The following ITGA9 variants were observed in gnomAD, a reference collection of about 807,000 sequenced individuals.
ITGA9 encodes integrin alpha-9.
In ITGA9, 56 loss-of-function variants were observed where a neutral mutation model predicts 127.8. The observed-to-expected ratio is 0.44, with a 90% CI of 0.35 to 0.55. The LOEUF (loss-of-function observed/expected upper bound fraction) is 0.55, where lower values mean the gene tolerates loss of function less well. ITGA9 is among the 20% of genes least tolerant of loss of function. The pLI is 0.00. For synonymous variants in ITGA9, 508 were observed against 514.5 expected (o/e 0.99, Z 0.17); for missense variants, 1,196 against 1,347.1 (o/e 0.89, Z 1.76).
At chr3:37,553,386 C>T (rs946086568) in intron 15 of ITGA9, among the ~76,000 whole-genome samples, 3 of 152,234 alleles carry the variant, frequency 2.0e-5, no homozygotes, top group African/African-American at 7.2e-5. Flanking sequence ...ATTTGGCTGT[C>T]ACATCTCTTT....
intron 18 of ITGA9, among the ~76,000 whole-genome samples, chr3:37,697,013 G>A (rs1374005539): frequency 6.6e-6 from 1 of 152,114 alleles, no homozygotes. Context: ...GGCCTCAGAG[G>A]AAAATCTCAA....
At chr3:37,609,937 C>T (rs940200972) in intron 15 of ITGA9, among the ~76,000 whole-genome samples, 8 of 152,172 alleles carry the variant, frequency 5.3e-5, no homozygotes, top group African/African-American at 1.2e-4. Context: ...CATGTGGAGT[C>T]GGAGATACTT....
At chr3:37,750,936 G>A (rs542539423) in intron 23 of ITGA9, among the ~76,000 whole-genome samples, 58 of 152,372 alleles carry the variant, frequency 3.8e-4, no homozygotes, top group Non-Finnish European at 2.2e-4. Flanking sequence ...TGAGAGGATT[G>A]TGAAAGCATT....
intron 19 of ITGA9, among the ~76,000 whole-genome samples, chr3:37,734,533 A>G (rs1357117428): frequency 2.0e-5 from 3 of 152,224 alleles, no homozygotes; most frequent in Admixed American, 2.0e-4. Context: ...TCTGTCGCCC[A>G]GGCTGGAGTG....
intron 17 of ITGA9, among the ~76,000 whole-genome samples, chr3:37,676,010 G>A (rs1014407177): frequency 3.3e-5 from 5 of 151,990 alleles, no homozygotes; most frequent in African/African-American, 9.7e-5. Flanking sequence ...CCAAAGTGCT[G>A]GGATTACAGG....
In ITGA9 at chr3:37,673,349, C is replaced by G. The variant is rs1053775527; in HGVS notation, c.1917-10516C>G. On this transcript the variant is annotated intron_variant, in intron 17 of 27. Transcript: ENST00000264741. ...TTCCCCACCTTTCCCCTGTGAGACTCAAAAAAACATTTCCCAGGCTCCCTT... is the reference window on the plus strand; with the variant it reads ...TTCCCCACCTTTCCCCTGTGAGACTGAAAAAAACATTTCCCAGGCTCCCTT... 5.9e-5 allele frequency among the ~76,000 whole-genome samples: 9 copies of G among 152,032 alleles called. 1 individual carries two copies. In the South Asian group the frequency reaches 1.9e-3, roughly 32 times the overall value.
At chr3:37,502,303 G>C (rs541376367) in intron 5 of ITGA9, among the ~76,000 whole-genome samples, 1 of 148,166 alleles carries the variant, frequency 6.7e-6, no homozygotes, top group African/African-American at 2.5e-5. Context: ...AGACCTCTGC[G>C]TCCCGGGTTC....
chr3:37,753,118 A>T (rs368619454), intron 23 of ITGA9, among the ~76,000 whole-genome samples: 6 of 152,368 alleles, frequency 3.9e-5, no homozygotes, highest in African/African-American at 1.4e-4. Context: ...TCTGTCCATC[A>T]GGAAGCCAGG....
chr3:37,473,273 AG>A, intron 2 of ITGA9, 80 bp from the exon 3 acceptor site: 1 of 994,370 alleles, frequency 1.0e-6, no homozygotes, highest in Non-Finnish European at 1.6e-6. Flanking sequence ...ATTTCCTCAT[AG>A]GGCTGTGGAC....
chr3:37,458,202 A>G (rs1365989314), intron 1 of ITGA9, among the ~76,000 whole-genome samples: 5 of 152,084 alleles, frequency 3.3e-5, no homozygotes, highest in South Asian at 2.1e-4. Flanking sequence ...CCAGTTTGCT[A>G]TTTGGGGAAC....
rs544679094 is a variant in ITGA9, at chr3:37,695,773, G to A, written c.2067+11758G>A. On this transcript the variant is annotated intron_variant, in intron 18 of 27. Coordinates refer to ENST00000264741, the MANE Select transcript of ITGA9 (RefSeq NM_002207.3). ...AAATCAGTTAGGAATATGTTGGGCT[G>A]CATGTAACAGAAAAGCCACCTTTTT... Among the ~76,000 whole-genome samples the A allele has an allele frequency of 1.8e-4, 27 of 152,364 alleles. No individual in the cohort carries two copies. In the South Asian group the frequency reaches 5.4e-3, roughly 30 times the overall value.
At position 37,653,828 on chromosome 3, in the gene ITGA9, T is replaced by C. The variant is rs926611256; in HGVS notation, c.1916+38T>C. 2.6e-6 allele frequency: 4 copies of C among 1,510,526 alleles called. No homozygotes were observed. In the African/African-American group the frequency reaches 4.1e-5, roughly 16 times the overall value. The allele number at this position is 1,510,526 out of a possible 1,614,324, so 93.6% of individuals were successfully genotyped here. On this transcript the variant is annotated intron_variant, in intron 17 of 27. Transcript: ENST00000264741. The stretch of plus-strand genomic sequence containing the variant: ...TTCCTTCAGAGCATTGTTCTCAGGC[T>C]CCTTTTTCTTGACCCCAGGTCCCAA...
chr3:37,537,735 G>A (rs894337450), intron 14 of ITGA9, among the ~76,000 whole-genome samples: 3 of 152,110 alleles, frequency 2.0e-5, no homozygotes, highest in Non-Finnish European at 2.9e-5. Flanking sequence ...GATGAGCTCC[G>A]GGCCCCTTGT....
intron 16 of ITGA9, among the ~76,000 whole-genome samples, chr3:37,633,464 A>AAC (rs1700246330): frequency 6.6e-6 from 1 of 152,346 alleles, no homozygotes; most frequent in East Asian, 1.9e-4. Flanking sequence ...AAAGTCATCT[A>AAC]ACACAAAGCT....
intron 15 of ITGA9, 27 bp downstream of exon 15, chr3:37,542,612 CA>C (rs1411838159): frequency 1.2e-6 from 2 of 1,612,354 alleles, no homozygotes; most frequent in Admixed American, 1.7e-5. Flanking sequence ...TTTTTATCCT[CA>C]AACTTTGATC....
chr3:37,563,275 C>A (rs1406507515), intron 15 of ITGA9, among the ~76,000 whole-genome samples: 2 of 152,124 alleles, frequency 1.3e-5, no homozygotes, highest in Admixed American at 1.3e-4. Flanking sequence ...ATCATATAAC[C>A]CGACAGTCAG....
chr3:37,581,887 C>T (rs1487779439), intron 15 of ITGA9, among the ~76,000 whole-genome samples: 1 of 152,186 alleles, frequency 6.6e-6, no homozygotes, highest in Non-Finnish European at 1.5e-5. Flanking sequence ...CAATTGGATA[C>T]ATCTGGTAGG....
chr3:37,802,648 C>A (rs561117515), intron 26 of ITGA9, among the ~76,000 whole-genome samples: 1 of 152,194 alleles, frequency 6.6e-6, no homozygotes, highest in East Asian at 1.9e-4. Context: ...TTCTGCAAAA[C>A]CAAACTCCCC....
intron 26 of ITGA9, among the ~76,000 whole-genome samples, chr3:37,795,663 A>G (rs1056299491): frequency 2.0e-5 from 3 of 152,142 alleles, no homozygotes; most frequent in African/African-American, 7.2e-5. Flanking sequence ...GCACCAGGCC[A>G]TCAGCCATCC....
Sources: gnomAD v4.1 joint callset for allele counts (sites outside exome capture counted in the v4.1 genomes callset) on GRCh38, gnomAD v4.1.1 for gene constraint, MANE v1.5 for transcripts, NCBI Gene and HGNC (gene_info 2026-07-23, HGNC 2026-07-21) for gene names.